The following MADCAM1 variants were observed in gnomAD, a reference collection of about 807,000 sequenced individuals.
MADCAM1 encodes mucosal vascular addressin cell adhesion molecule 1.
Under a neutral mutation model 26.1 loss-of-function variants are expected in MADCAM1, and 19 were observed. The ratio of observed to expected loss-of-function variants is 0.73; its 90% CI spans 0.51 to 1.07. The LOEUF is 1.07. Ranked by LOEUF, MADCAM1 falls within the 50% of genes least tolerant of loss-of-function variation. The pLI, the probability that MADCAM1 is intolerant of heterozygous loss-of-function variation, is 0.00. For synonymous variants in MADCAM1, 268 were observed against 260.9 expected (o/e 1.03, Z -0.26); for missense variants, 514 against 542.1 (o/e 0.95, Z 0.51).
intron 4 of MADCAM1, 131 bp from the exon 5 acceptor site, chr19:504,614 A>C: frequency 3.0e-6 from 2 of 666,750 alleles, no homozygotes; most frequent in Non-Finnish European, 5.3e-6. Flanking sequence ...GGGTCATGGT[A>C]AAGTCCTTTG....
At position 505,101 on chromosome 19, in the gene MADCAM1, C is replaced by T; in HGVS notation, c.*136C>T. The T allele has an allele frequency of 1.6e-6, 1 of 618,964 alleles. No homozygotes were observed. The highest frequency in any genetic ancestry group is 2.6e-6 in the Non-Finnish European group (1 of 377,634). 38.3% of individuals were successfully genotyped at this position (618,964 alleles called of 1,614,324 possible). A position where few individuals can be genotyped will look rare whatever the true frequency, so the allele number is the denominator to read the frequency against. On this transcript the variant is annotated 3_prime_UTR_variant, in exon 5 of 5. Coordinates refer to ENST00000215637, the MANE Select transcript of MADCAM1 (RefSeq NM_130760.3). ...AGAGATGGATGCATGTTCTGATTGC[C>T]TCTTTGGAGAAGCTCATCAGAAACT...
In MADCAM1 at chr19:504,054, C is replaced by CG. The variant is rs1978491642; in HGVS notation, c.929-690dup. Among the ~76,000 whole-genome samples the CG allele has an allele frequency of 5.2e-5, 7 of 135,864 alleles. No individual in the cohort carries two copies. The South Asian group carries it at 1.8e-3, about 36-fold the overall frequency. The allele number at this position is 135,864 out of a possible 152,430, so 89.1% of individuals were successfully genotyped here. The stretch of plus-strand genomic sequence containing the variant: ...TGGGGGACAGAGCAAGATTCCATTT[C>CG]GAAAAAAAAAAAAAAGTGTGGTCAT... On this transcript the variant is annotated intron_variant, in intron 4 of 4. Coordinates refer to ENST00000215637, the MANE Select transcript of MADCAM1 (RefSeq NM_130760.3).
intron 4 of MADCAM1, among the ~76,000 whole-genome samples, chr19:503,767 G>A (rs1294230924): frequency 6.6e-6 from 1 of 151,480 alleles, no homozygotes; most frequent in East Asian, 1.9e-4. Flanking sequence ...AAAAAGTGTT[G>A]GCCAGACACG....
rs374624627 is a variant in MADCAM1 at position 500,263 on chromosome 19, G to T, written c.668-1406G>T. ...CCCTTTGACAGTTGAGGAAACTGAG[G>T]CACGTGGAGATTAAGGAGGCTGCTG... On this transcript the variant is annotated intron_variant, in intron 3 of 4. Transcript: ENST00000215637. 37 of 442,188 alleles carry T rather than the reference G, an allele frequency of 8.4e-5. 1 individual carries two copies. The East Asian group carries it at 2.5e-3, about 29-fold the overall frequency. The allele number at this position is 442,188 out of a possible 1,614,324, so 27.4% of individuals were successfully genotyped here.
At chr19:499,782 A>T in intron 3 of MADCAM1, 1 of 456,288 alleles carries the variant, frequency 2.2e-6, no homozygotes, top group Non-Finnish European at 4.4e-6. Context: ...TCGGATGAAG[A>T]CATTTAATGT....
At position 496,550 on chromosome 19, in the gene MADCAM1, C is replaced by G. The variant is rs776952557; in HGVS notation, c.51C>G (p.Leu17=). The change falls in exon 1 of 5, where the codon CTC becomes CTG. Residue 17 remains leucine, a splice_region_variant and synonymous_variant. Transcript: ENST00000215637. ...LLLAGLLGLL[L]GQSLQVKPLQ... ...TGGCGGGGCTTCTGGGGCTCCTCCT[C>G]GGTGAGAAGGGGAGGGGGCGCGGGA... The G allele has an allele frequency of 3.1e-6, 4 of 1,283,932 alleles. No individual in the cohort carries two copies. Among genetic ancestry groups the G allele is most frequent in the Non-Finnish European group, 4.0e-6 (4 of 1,011,684 alleles). The allele number at this position is 1,283,932 out of a possible 1,614,324, so 79.5% of individuals were successfully genotyped here. A position where few individuals can be genotyped will look rare whatever the true frequency, so the allele number is the denominator to read the frequency against.
rs900497865 is a variant in MADCAM1 at position 497,815 on chromosome 19, G to A, written c.53-18G>A. 3.2e-5 allele frequency: 41 copies of A among 1,269,858 alleles called. No individual in the cohort carries two copies. The Admixed American group carries it at 1.7e-3, about 53-fold the overall frequency. The allele number at this position is 1,269,858 out of a possible 1,614,324, so 78.7% of individuals were successfully genotyped here. On this transcript the variant is annotated intron_variant, in intron 1 of 4. Coordinates refer to ENST00000215637, the MANE Select transcript of MADCAM1 (RefSeq NM_130760.3). Reference sequence around the variant, plus strand: ...TCCGGGACTCCGCGGGGCTGAGCGAGAGCCGCGGTCGCCGCAGGCCAGTCC... The same window carrying A: ...TCCGGGACTCCGCGGGGCTGAGCGAAAGCCGCGGTCGCCGCAGGCCAGTCC...
intron 3 of MADCAM1, chr19:499,824 C>A (rs758536087): frequency 1.1e-5 from 5 of 456,346 alleles, no homozygotes; most frequent in Non-Finnish European, 1.8e-5. Context: ...TCCCTTCACG[C>A]TCTGTCCAAT....
chr19:500,647 G>A (rs1978317078), intron 3 of MADCAM1, among the ~76,000 whole-genome samples: 1 of 152,158 alleles, frequency 6.6e-6, no homozygotes, highest in South Asian at 2.1e-4. Context: ...GAGGTGGGTG[G>A]ATCACGAGAT....
intron 4 of MADCAM1, among the ~76,000 whole-genome samples, chr19:503,319 T>C (rs2392798): frequency 0.049 from 7,211 of 146,108 alleles, 336 homozygotes; most frequent in East Asian, 0.26. Context: ...CGGTGGCTTA[T>C]GCCTGTAATC....
rs1795391552 is a variant in MADCAM1 at position 503,549 on chromosome 19, C to G, written c.929-1196C>G. 2.8e-5 allele frequency among the ~76,000 whole-genome samples: 4 copies of G among 142,026 alleles called. No individual in the cohort carries two copies. The South Asian group carries it at 8.8e-4, about 31-fold the overall frequency. The allele number at this position is 142,026 out of a possible 152,430, so 93.2% of individuals were successfully genotyped here. ...TGAGCCGAGATCGCGCCACTGCACTCCAACCTGGGAGACAGCAAGACTCCG... is the reference window on the plus strand; with the variant it reads ...TGAGCCGAGATCGCGCCACTGCACTGCAACCTGGGAGACAGCAAGACTCCG... On this transcript the variant is annotated intron_variant, in intron 4 of 4. Transcript: ENST00000215637.
At chr19:500,264 C>T (rs1978314383) in intron 3 of MADCAM1, 2 of 441,442 alleles carry the variant, frequency 4.5e-6, no homozygotes, top group South Asian at 3.2e-5. Flanking sequence ...GAAACTGAGG[C>T]ACGTGGAGAT....
chr19:502,503 T>C (rs146436052), intron 4 of MADCAM1, among the ~76,000 whole-genome samples: 1,745 of 152,182 alleles, frequency 0.011, 33 homozygotes, highest in African/African-American at 0.04. Flanking sequence ...GGTTTCACCA[T>C]GTTGACCACG....
rs1421082420 is a variant in MADCAM1 at position 497,738 on chromosome 19, C to G, written c.53-95C>G. ...GGAGGGTCCGGGAACCGGGCAGAGGCGGGGCGGGGTCCGGGGGTGGAGCGG... is the reference window on the plus strand; with the variant it reads ...GGAGGGTCCGGGAACCGGGCAGAGGGGGGGCGGGGTCCGGGGGTGGAGCGG... On this transcript the variant is annotated intron_variant, in intron 1 of 4. Coordinates refer to ENST00000215637, the MANE Select transcript of MADCAM1 (RefSeq NM_130760.3). 11 of 867,346 alleles carry G rather than the reference C, an allele frequency of 1.3e-5. No individual in the cohort carries two copies. The East Asian group carries it at 3.3e-4, about 26-fold the overall frequency. The allele number at this position is 867,346 out of a possible 1,614,324, so 53.7% of individuals were successfully genotyped here.
intron 3 of MADCAM1, chr19:500,092 G>T: frequency 2.2e-6 from 1 of 456,094 alleles, no homozygotes; most frequent in Non-Finnish European, 4.4e-6. Context: ...AGTCCCACAG[G>T]GGATGGAGCA....
chr19:498,212 A>C (rs12461640), intron 2 of MADCAM1, 95 bp downstream of exon 2: 1,224,627 of 1,224,662 alleles, frequency 1, 612,296 homozygotes, highest in Middle Eastern at 1. Flanking sequence ...GATTGCAGGC[A>C]GGGTCCCAGC....
In MADCAM1 at chr19:502,929, C is replaced by T. The variant is rs112039732; in HGVS notation, c.928+1000C>T. On this transcript the variant is annotated intron_variant, in intron 4 of 4. Transcript: ENST00000215637. ...ACAAACAAGGAGAGGAAGTTGCTTA[C>T]GAAAGATTTGAGGAAGCAGTAACAT... is the stretch of plus-strand genomic sequence containing the variant. 3.8e-3 allele frequency among the ~76,000 whole-genome samples: 580 copies of T among 152,202 alleles called. 1 individual carries two copies. The highest frequency in any genetic ancestry group is 0.013 in the African/African-American group (556 of 41,532).
Position 498,044 on chromosome 19 carries a change from G to T in MADCAM1, c.264G>T (p.Ala88=). 1 of 1,486,292 alleles carries T rather than the reference G, an allele frequency of 6.7e-7. No individual in the cohort carries two copies. The highest frequency in any genetic ancestry group is 8.9e-7 in the Non-Finnish European group (1 of 1,124,198). 92.1% of individuals were successfully genotyped at this position (1,486,292 alleles called of 1,614,324 possible). A position where few individuals can be genotyped will look rare whatever the true frequency, so the allele number is the denominator to read the frequency against. ...VLTVRNASLS[A]AGTRVCVGSC... ...CCGTGCGCAACGCCTCGCTGTCGGC[G>T]GCCGGGACCCGCGTGTGCGTGGGCT... The change falls in exon 2 of 5, where the codon GCG becomes GCT. Residue 88 remains alanine, a synonymous_variant. Transcript: ENST00000215637.
intron 1 of MADCAM1, 142 bp from the exon 2 acceptor site, chr19:497,691 G>A (rs1429774558): frequency 1.1e-5 from 7 of 629,862 alleles, no homozygotes; most frequent in Non-Finnish European, 1.6e-5. Context: ...GTAGCGGCGG[G>A]GCAGGGGTCC....
Sources: allele counts gnomAD v4.1 joint callset (sites outside exome capture counted in the v4.1 genomes callset), GRCh38; gene constraint gnomAD v4.1.1; transcripts MANE v1.5; gene names NCBI Gene and HGNC (gene_info 2026-07-23, HGNC 2026-07-21).